Variants in ST8SIA5 observed in about 807,000 individuals in gnomAD.
The protein encoded by ST8SIA5 is alpha-2,8-sialyltransferase 8E.
ST8SIA5 carries 24 observed loss-of-function variants against 40.2 expected under a neutral mutation model. The observed-to-expected ratio is 0.60, with a 90% confidence interval of 0.43 to 0.84. ST8SIA5 has a LOEUF of 0.84. Ranked by LOEUF, ST8SIA5 falls within the 40% of genes least tolerant of loss-of-function variation. The pLI is 0.00. For synonymous variants in ST8SIA5, 198 were observed against 201.8 expected, an observed-to-expected ratio of 0.98 and a Z score of 0.16; for missense variants, 465 against 498.5, an observed-to-expected ratio of 0.93 and a Z score of 0.64.
At chr18:46,727,373 C>G (rs1568272215) in intron 1 of ST8SIA5, among the ~76,000 whole-genome samples, 1 of 152,198 alleles carries the variant, frequency 6.6e-6, no homozygotes, top group East Asian at 1.9e-4. Context: ...GCCCCTTGCT[C>G]TCATGGCAAT....
chr18:46,717,559 C>T (rs1191150273), intron 1 of ST8SIA5, among the ~76,000 whole-genome samples: 1 of 152,122 alleles, frequency 6.6e-6, no homozygotes, highest in South Asian at 2.1e-4. Flanking sequence ...TTATACCTCA[C>T]CCCCACCAAC....
Position 46,707,070 on chromosome 18 carries a change from G to A in ST8SIA5, c.132-2406C>T, listed in dbSNP as rs79385644. On this transcript the variant is annotated intron_variant, in intron 1 of 6. Transcript: ENST00000315087. Reference sequence around the variant, plus strand: ...AGGGGTCAGCCTAGGGCCACAAAACGAGCCCATGACCTTGGCTCTAACTCA... The same window carrying A: ...AGGGGTCAGCCTAGGGCCACAAAACAAGCCCATGACCTTGGCTCTAACTCA... Among the ~76,000 whole-genome samples, 156 of 152,288 alleles carry A rather than the reference G, an allele frequency of 1.0e-3. 2 individuals are homozygous for A. In the East Asian group the frequency reaches 0.024, roughly 24 times the overall value.
chr18:46,752,608 C>T (rs1048423180), intron 1 of ST8SIA5, among the ~76,000 whole-genome samples: 1 of 152,214 alleles, frequency 6.6e-6, no homozygotes, highest in Non-Finnish European at 1.5e-5. Flanking sequence ...GTTCTGACTG[C>T]TCTCAATGGG....
chr18:46,748,237 T>TAAA (rs1462020666), intron 1 of ST8SIA5, among the ~76,000 whole-genome samples: 7 of 82,886 alleles, frequency 8.4e-5, no homozygotes, highest in Non-Finnish European at 1.4e-4. Context: ...AATAAATAAA[T>TAAA]TAATTAATTT....
intron 1 of ST8SIA5, among the ~76,000 whole-genome samples, chr18:46,731,462 G>A (rs1286942350): frequency 2.0e-5 from 3 of 152,200 alleles, no homozygotes; most frequent in Non-Finnish European, 4.4e-5. Flanking sequence ...ACTGAGCACC[G>A]GGCTCAGGGC....
intron 1 of ST8SIA5, among the ~76,000 whole-genome samples, chr18:46,736,227 C>T (rs760192833): frequency 9.2e-5 from 14 of 152,172 alleles, no homozygotes; most frequent in Non-Finnish European, 1.6e-4. Flanking sequence ...TCAACTCAGA[C>T]GCAACACTTC....
intron 3 of ST8SIA5, chr18:46,691,646 G>A (rs966292378): frequency 5.1e-5 from 8 of 155,528 alleles, no homozygotes; most frequent in African/African-American, 1.4e-4. Flanking sequence ...TTACCTCTCT[G>A]GAAGTTTATA....
chr18:46,753,529 C>T (rs1383741322), intron 1 of ST8SIA5, among the ~76,000 whole-genome samples: 3 of 150,424 alleles, frequency 2.0e-5, no homozygotes, highest in East Asian at 1.9e-4. Flanking sequence ...GCTGAGATCG[C>T]GCCACGGCAC....
chr18:46,702,194 G>A (rs909200381), intron 2 of ST8SIA5, among the ~76,000 whole-genome samples: 1 of 151,152 alleles, frequency 6.6e-6, no homozygotes, highest in Admixed American at 6.6e-5. Context: ...CTGAAATCTT[G>A]AAGGTGTGCT....
rs1447282559 is a variant in ST8SIA5, at chr18:46,670,809, C to G, written c.*9233G>C. ...GTTGAACAAGTAAACTAGTTTTGGTCTTCTTAATGCCATCACAATTTAGGC... is the reference window on the plus strand; with the variant it reads ...GTTGAACAAGTAAACTAGTTTTGGTGTTCTTAATGCCATCACAATTTAGGC... On this transcript the variant is annotated 3_prime_UTR_variant, in exon 7 of 7. Transcript: ENST00000315087. 1 of 151,714 alleles carries G rather than the reference C, an allele frequency of 6.6e-6. No individual in the cohort carries two copies. The highest frequency in any genetic ancestry group is 1.5e-5 in the Non-Finnish European group (1 of 67,954). 9.4% of individuals were successfully genotyped at this position (151,714 alleles called of 1,614,324 possible). A position where few individuals can be genotyped will look rare whatever the true frequency, so the allele number is the denominator to read the frequency against.
At chr18:46,680,709 G>T (rs1439645832) in intron 6 of ST8SIA5, among the ~76,000 whole-genome samples, 199 bp from the exon 7 acceptor site, 1 of 152,218 alleles carries the variant, frequency 6.6e-6, no homozygotes, top group Non-Finnish European at 1.5e-5. Flanking sequence ...GTGGGTGCAG[G>T]AGAGGGCAGT....
intron 1 of ST8SIA5, among the ~76,000 whole-genome samples, chr18:46,706,605 AAC>A (rs1197384292): frequency 1.3e-5 from 2 of 152,350 alleles, no homozygotes; most frequent in Non-Finnish European, 2.9e-5. Context: ...GAGCATCTCA[AAC>A]ACAGAGACAG....
chr18:46,685,771 C>A, intron 5 of ST8SIA5: 1 of 199,316 alleles, frequency 5.0e-6, no homozygotes. Flanking sequence ...CAGTCTCTGG[C>A]TTAGTTAAAG....
chr18:46,680,522 G>T lies in ST8SIA5; in HGVS notation c.663-12C>A. ...CCAGCTTGTGGAACCTACACAGGGC[G>T]CGAGTGAGAGGTGAGCACCCACTCC... On this transcript the variant is annotated splice_polypyrimidine_tract_variant and intron_variant, in intron 6 of 6. Coordinates refer to ENST00000315087, the MANE Select transcript of ST8SIA5 (RefSeq NM_013305.6). The T allele has an allele frequency of 6.4e-7, 1 of 1,560,520 alleles. No homozygotes were observed. Among genetic ancestry groups the T allele is most frequent in the Non-Finnish European group, 8.7e-7 (1 of 1,149,288 alleles).
chr18:46,736,750 A>T (rs2040038154), intron 1 of ST8SIA5, among the ~76,000 whole-genome samples: 3 of 152,148 alleles, frequency 2.0e-5, no homozygotes, highest in Admixed American at 2.0e-4. Context: ...GCACAAAATC[A>T]GATGGAATAC....
intron 2 of ST8SIA5, among the ~76,000 whole-genome samples, chr18:46,694,821 C>T (rs1599108299): frequency 6.8e-6 from 1 of 146,466 alleles, no homozygotes; most frequent in South Asian, 2.2e-4. Context: ...CAGGTTCCTA[C>T]AGGGGTCCAT....
rs1337708336 is a variant in ST8SIA5 at position 46,677,307 on chromosome 18, C to CATTGGGTGCCGTTCCCTCT, written c.*2734_*2735insAGAGGGAACGGCACCCAAT. On this transcript the variant is annotated 3_prime_UTR_variant, in exon 7 of 7. Transcript: ENST00000315087. ...CTACAGATCTGGGTGCAGTTCCCTC[C>CATTGGGTGCCGTTCCCTCT]ATTGGGTGCCGTTCCCTCCATTGGG... The CATTGGGTGCCGTTCCCTCT allele has an allele frequency of 3.3e-5, 5 of 152,500 alleles. No individual in the cohort carries two copies. In the East Asian group the frequency reaches 9.7e-4, roughly 29 times the overall value. 9.4% of individuals were successfully genotyped at this position (152,500 alleles called of 1,614,324 possible).
chr18:46,692,041 C>T, intron 3 of ST8SIA5, 128 bp downstream of exon 3: 1 of 948,396 alleles, frequency 1.1e-6, no homozygotes, highest in Non-Finnish European at 1.7e-6. Context: ...GATTCCTAAG[C>T]CCAGTCAGGG....
At chr18:46,693,120 G>A (rs536126880) in intron 2 of ST8SIA5, among the ~76,000 whole-genome samples, 48 of 151,614 alleles carry the variant, frequency 3.2e-4, no homozygotes, top group African/African-American at 1.1e-3. Context: ...TGAGTATAAC[G>A]TCTTACTTCA....
Sources: allele counts gnomAD v4.1 joint callset (sites outside exome capture counted in the v4.1 genomes callset), GRCh38; gene constraint gnomAD v4.1.1; transcripts MANE v1.5; gene names NCBI Gene and HGNC (gene_info 2026-07-23, HGNC 2026-07-21).